FLT1: variants seen among roughly 807,000 people sequenced by gnomAD.
The protein encoded by FLT1 is fms related receptor tyrosine kinase 1, also known as vascular endothelial growth factor receptor 1.
FLT1 carries 49 observed loss-of-function variants against 156.3 expected under a neutral mutation model. The ratio of observed to expected loss-of-function variants is 0.31; its 90% CI spans 0.25 to 0.40. FLT1 has a LOEUF of 0.40. Among genes scored for constraint, FLT1 ranks in the 10% least tolerant of loss-of-function variants. The probability of loss-of-function intolerance (pLI) is 1.00; values close to 1 mark genes in which losing one functional copy is unlikely to be tolerated. For synonymous variants in FLT1, 594 were observed against 583.8 expected (o/e 1.02, Z -0.25); for missense variants, 1,322 against 1,637.2 (o/e 0.81, Z 3.32).
At chr13:28,372,589 T>C (rs1189525649) in intron 14 of FLT1, among the ~76,000 whole-genome samples, 9 of 133,572 alleles carry the variant, frequency 6.7e-5, no homozygotes, top group Non-Finnish European at 8.1e-5. Flanking sequence ...TATATATATA[T>C]ATATATATAT....
chr13:28,403,249 A>G (rs1192209957), intron 11 of FLT1, among the ~76,000 whole-genome samples: 1 of 152,204 alleles, frequency 6.6e-6, no homozygotes, highest in Admixed American at 6.5e-5. Flanking sequence ...GTTTGACTCC[A>G]GGGCTCCTGA....
At chr13:28,386,654 G>T in intron 13 of FLT1, 1 of 1,056,914 alleles carries the variant, frequency 9.5e-7, no homozygotes, top group Non-Finnish European at 1.1e-6. Flanking sequence ...TTTCCTAATT[G>T]AAAATGCAGT....
chr13:28,477,577 T>A (rs1273100734), intron 1 of FLT1, among the ~76,000 whole-genome samples: 4 of 152,210 alleles, frequency 2.6e-5, no homozygotes, highest in African/African-American at 9.6e-5. Context: ...CTGGTAGACC[T>A]TCGTCTGGTT....
At chr13:28,464,486 C>A (rs1246486395) in intron 3 of FLT1, among the ~76,000 whole-genome samples, 2 of 152,244 alleles carry the variant, frequency 1.3e-5, no homozygotes, top group Non-Finnish European at 2.9e-5. Context: ...TAGTATTCCA[C>A]AAAGCACCTG....
At chr13:28,350,304 T>C (rs1020245430) in intron 15 of FLT1, among the ~76,000 whole-genome samples, 2 of 152,162 alleles carry the variant, frequency 1.3e-5, no homozygotes, top group East Asian at 1.9e-4. Context: ...GAAGAGTGTA[T>C]GTTAACTGTA....
intron 15 of FLT1, among the ~76,000 whole-genome samples, chr13:28,349,290 C>T (rs1442959897): frequency 2.0e-5 from 3 of 152,136 alleles, no homozygotes; most frequent in African/African-American, 7.2e-5. Flanking sequence ...AAAATAACTT[C>T]CTTAAAGAAA....
intron 6 of FLT1, among the ~76,000 whole-genome samples, chr13:28,432,542 C>T (rs894668958): frequency 8.5e-5 from 13 of 152,144 alleles, no homozygotes; most frequent in Admixed American, 6.6e-4. Flanking sequence ...AGAATTGCTT[C>T]GCCCAGTACT....
intron 14 of FLT1, among the ~76,000 whole-genome samples, chr13:28,376,635 A>G (rs1325484042): frequency 6.6e-6 from 1 of 152,192 alleles, no homozygotes; most frequent in Non-Finnish European, 1.5e-5. Context: ...GCCTTCTGCC[A>G]TATATTCTTG....
intron 14 of FLT1, among the ~76,000 whole-genome samples, chr13:28,371,282 C>T (rs957549950): frequency 1.3e-5 from 2 of 151,962 alleles, no homozygotes; most frequent in Non-Finnish European, 2.9e-5. Context: ...ATAGTAGTCC[C>T]CCTGTATCTG....
At chr13:28,382,483 A>G (rs1457623810) in intron 14 of FLT1, among the ~76,000 whole-genome samples, 1 of 152,166 alleles carries the variant, frequency 6.6e-6, no homozygotes, top group Non-Finnish European at 1.5e-5. Context: ...GAAGTGTGTT[A>G]GGGTTGAAGA....
intron 14 of FLT1, among the ~76,000 whole-genome samples, chr13:28,372,908 A>G (rs1473275560): frequency 2.6e-5 from 4 of 151,854 alleles, no homozygotes; most frequent in African/African-American, 9.7e-5. Flanking sequence ...TAAAATAAAA[A>G]TGAAACATTA....
chr13:28,461,154 A>G (rs1404447999), intron 3 of FLT1, among the ~76,000 whole-genome samples: 1 of 151,606 alleles, frequency 6.6e-6, no homozygotes, highest in Non-Finnish European at 1.5e-5. Context: ...TTTTTAATGC[A>G]GGTTGAAACC....
intron 8 of FLT1, 53 bp downstream of exon 8, chr13:28,429,971 AATTCGAGTCATTAGGCTCTTGCAGCT>A: frequency 1.1e-6 from 1 of 945,026 alleles, no homozygotes; most frequent in Non-Finnish European, 1.8e-6. Context: ...TTTTGTCAGG[AATTCGAGTCATTAGGCTCTTGCAGCT>A]TCCCACTTAC....
chr13:28,478,646 A>C lies in FLT1; in HGVS notation c.65-11029T>G, dbSNP rs76627886. Among the ~76,000 whole-genome samples the C allele has an allele frequency of 5.2e-3, 798 of 152,344 alleles. 8 individuals are homozygous for C. The highest frequency in any genetic ancestry group is 0.018 in the African/African-American group (767 of 41,590). On this transcript the variant is annotated intron_variant, in intron 1 of 29. Coordinates refer to ENST00000282397, the MANE Select transcript of FLT1 (RefSeq NM_002019.4). ...TCCACACACAGTTCCTTCTGGAAAAAAATGAATATGTCATGGAGCTGTAAT... is the reference window on the plus strand; with the variant it reads ...TCCACACACAGTTCCTTCTGGAAAACAATGAATATGTCATGGAGCTGTAAT...
chr13:28,447,292 C>A (rs1161692803), intron 3 of FLT1, among the ~76,000 whole-genome samples: 1 of 151,742 alleles, frequency 6.6e-6, no homozygotes, highest in African/African-American at 2.4e-5. Flanking sequence ...GATGCCCCCA[C>A]CTCAGCCTCC....
intron 3 of FLT1, among the ~76,000 whole-genome samples, chr13:28,461,846 C>T (rs677600): frequency 0.14 from 21,286 of 152,006 alleles, 2,601 homozygotes; most frequent in African/African-American, 0.33. Context: ...CAGATTATGC[C>T]GCTGTGCAAA....
intron 1 of FLT1, among the ~76,000 whole-genome samples, chr13:28,483,453 C>A (rs961977310): frequency 5.9e-5 from 9 of 152,266 alleles, no homozygotes; most frequent in Admixed American, 2.6e-4. Context: ...AGCATGTATC[C>A]ATTTGACCAA....
intron 10 of FLT1, among the ~76,000 whole-genome samples, chr13:28,412,329 C>CTTTCTTTCT (rs775271915): frequency 0.06 from 5,347 of 88,882 alleles, 341 homozygotes; most frequent in Admixed American, 0.17. Flanking sequence ...TTCTTTCTTT[C>CTTTCTTTCT]TTTTCTTTCT....
At chr13:28,447,825 T>C (rs191823224) in intron 3 of FLT1, among the ~76,000 whole-genome samples, 1 of 150,600 alleles carries the variant, frequency 6.6e-6, no homozygotes, top group East Asian at 1.9e-4. Flanking sequence ...ATATATTATG[T>C]ATCTATATAT....
Sources: allele counts gnomAD v4.1 joint callset (sites outside exome capture counted in the v4.1 genomes callset), GRCh38; gene constraint gnomAD v4.1.1; transcripts MANE v1.5; gene names NCBI Gene and HGNC (gene_info 2026-07-23, HGNC 2026-07-21).